Variants in ABLIM3 observed in about 807,000 individuals in gnomAD.
ABLIM3 encodes the protein actin binding LIM protein family member 3, also known as actin-binding LIM protein 3.
A neutral mutation model predicts 109.5 loss-of-function variants in ABLIM3; 61 were observed. The observed-to-expected ratio is 0.56, with a 90% CI of 0.45 to 0.69. ABLIM3 has a LOEUF of 0.69. Among genes scored for constraint, ABLIM3 ranks in the 30% least tolerant of loss-of-function variants. The pLI is 0.00. For synonymous variants in ABLIM3, 300 were observed against 324.8 expected, an observed-to-expected ratio of 0.92 and a Z score of 0.82; for missense variants, 796 against 889.5, an observed-to-expected ratio of 0.89 and a Z score of 1.34.
chr5:149,245,463 G>A (rs1753259286), intron 16 of ABLIM3, among the ~76,000 whole-genome samples: 1 of 152,220 alleles, frequency 6.6e-6, no homozygotes, highest in South Asian at 2.1e-4. Flanking sequence ...AGAAAAGGCT[G>A]TCCACTTAAC....
chr5:149,254,388 C>T (rs1179863359), intron 23 of ABLIM3, among the ~76,000 whole-genome samples: 1 of 152,198 alleles, frequency 6.6e-6, no homozygotes, highest in Non-Finnish European at 1.5e-5. Flanking sequence ...ATTTCCTCTG[C>T]CTGACCCTGA....
At chr5:149,250,426 G>A (rs768768190) in intron 19 of ABLIM3, 21 bp from the exon 20 acceptor site, 1 of 1,613,798 alleles carries the variant, frequency 6.2e-7, no homozygotes, top group Non-Finnish European at 8.5e-7. Flanking sequence ...CCTGATAATT[G>A]CTCTAGATCC....
intron 13 of ABLIM3, 183 bp from the exon 14 acceptor site, chr5:149,240,493 C>T (rs1355004829): frequency 8.4e-6 from 5 of 596,664 alleles, no homozygotes; most frequent in Non-Finnish European, 9.0e-6. Context: ...AAGCTTGTTT[C>T]TGCCAACGTG....
chr5:149,157,071 CA>C (rs561106995), intron 2 of ABLIM3, among the ~76,000 whole-genome samples: 63 of 152,306 alleles, frequency 4.1e-4, no homozygotes, highest in African/African-American at 1.3e-3. Context: ...TAGAGAAGGT[CA>C]TTGGGAATAG....
At chr5:149,225,363 A>G (rs979496497) in intron 8 of ABLIM3, among the ~76,000 whole-genome samples, 3 of 152,172 alleles carry the variant, frequency 2.0e-5, no homozygotes, top group East Asian at 3.9e-4. Context: ...TTCTGTCTCT[A>G]TGGATTTGCC....
At position 149,239,775 on chromosome 5, in the gene ABLIM3, T is replaced by C. The variant is rs2127558004; in HGVS notation, c.1091T>C (p.Leu364Pro). 6.2e-7 allele frequency: 1 copy of C among 1,606,666 alleles called. No individual in the cohort carries two copies. The highest frequency in any genetic ancestry group is 2.3e-5 in the East Asian group (1 of 43,836). ...CTCTCCCAGGACATCTACGAGAACC[T>C]GGACCTCCGGCAGAGACGGGCCTCC... ...SPYSQDIYEN[L>P]DLRQRRASSP... is the part of the protein sequence containing the mutation. Residue 364 changes from leucine to proline, a missense_variant, in exon 13 of 24, where the codon CTG becomes CCG. Transcript: ENST00000309868.
intron 15 of ABLIM3, 39 bp downstream of exon 15, chr5:149,242,577 G>A (rs1394756578): frequency 6.2e-7 from 1 of 1,609,834 alleles, no homozygotes; most frequent in Non-Finnish European, 8.5e-7. Context: ...CACACAAGGA[G>A]AGGGGGGAGG....
At chr5:149,169,832 G>GCCTC in intron 2 of ABLIM3, among the ~76,000 whole-genome samples, 1 of 152,192 alleles carries the variant, frequency 6.6e-6, no homozygotes, top group Non-Finnish European at 1.5e-5. Context: ...GATACAGGAG[G>GCCTC]TGTATCAGCA....
intron 2 of ABLIM3, among the ~76,000 whole-genome samples, chr5:149,156,827 G>A (rs967164818): frequency 1.3e-5 from 2 of 152,236 alleles, no homozygotes; most frequent in South Asian, 4.1e-4. Context: ...TAGACAATGT[G>A]TAAAGAAATG....
At chr5:149,240,650 T>C (rs1233022387) in intron 13 of ABLIM3, 26 bp from the exon 14 acceptor site, 2 of 1,594,192 alleles carry the variant, frequency 1.3e-6, no homozygotes, top group East Asian at 4.5e-5. Flanking sequence ...CTGTTTTCTT[T>C]GGCGACCACT....
At chr5:149,185,310 A>G (rs1330048194) in intron 3 of ABLIM3, among the ~76,000 whole-genome samples, 1 of 152,154 alleles carries the variant, frequency 6.6e-6, no homozygotes, top group East Asian at 1.9e-4. Context: ...GTGTCTCCAC[A>G]TAGCTTTTCA....
Position 149,258,626 on chromosome 5 carries a change from T to C in ABLIM3, c.*222T>C, listed in dbSNP as rs2127580779. Reference sequence around the variant, plus strand: ...TCTGGGAAGGGATTTGAGGGGACTCTGTCCTTTTATTGGGGATCCTTTTTA... The same window carrying C: ...TCTGGGAAGGGATTTGAGGGGACTCCGTCCTTTTATTGGGGATCCTTTTTA... On this transcript the variant is annotated 3_prime_UTR_variant, in exon 24 of 24. Transcript: ENST00000309868. 2.3e-6 allele frequency: 3 copies of C among 1,280,738 alleles called. No homozygotes were observed. The East Asian group carries it at 1.0e-4, about 44-fold the overall frequency. The allele number at this position is 1,280,738 out of a possible 1,614,324, so 79.3% of individuals were successfully genotyped here. A position where few individuals can be genotyped will look rare whatever the true frequency, so the allele number is the denominator to read the frequency against.
chr5:149,230,803 T>C, intron 9 of ABLIM3, 96 bp downstream of exon 9: 2 of 1,386,476 alleles, frequency 1.4e-6, no homozygotes, highest in Admixed American at 1.8e-5. Context: ...TCAGCATTCC[T>C]TAGTGTGCAC....
At chr5:149,233,115 C>A in intron 9 of ABLIM3, 114 bp from the exon 10 acceptor site, 2 of 907,762 alleles carry the variant, frequency 2.2e-6, no homozygotes, top group Non-Finnish European at 3.6e-6. Flanking sequence ...ACAGAAGTAG[C>A]CAGAGAGTAC....
At chr5:149,184,240 C>T (rs1043346474) in intron 3 of ABLIM3, among the ~76,000 whole-genome samples, 11 of 152,072 alleles carry the variant, frequency 7.2e-5, no homozygotes, top group African/African-American at 1.9e-4. Context: ...CCCTCTGGCC[C>T]GGGGCAACAC....
intron 2 of ABLIM3, among the ~76,000 whole-genome samples, chr5:149,175,607 G>C (rs1198683836): frequency 3.9e-5 from 6 of 152,248 alleles, no homozygotes; most frequent in Admixed American, 1.3e-4. Context: ...GAGGAAAGAA[G>C]AGAGGAAGGA....
At chr5:149,192,088 G>A (rs1757531641) in intron 3 of ABLIM3, among the ~76,000 whole-genome samples, 1 of 152,120 alleles carries the variant, frequency 6.6e-6, no homozygotes, top group African/African-American at 2.4e-5. Context: ...GTAAAATGCT[G>A]AAGGCATTCT....
chr5:149,158,248 C>T (rs544626374), intron 2 of ABLIM3, among the ~76,000 whole-genome samples: 5 of 152,194 alleles, frequency 3.3e-5, no homozygotes, highest in African/African-American at 1.2e-4. Flanking sequence ...TGTTCCCCAA[C>T]TGCAAGCCAA....
chr5:149,152,637 C>T (rs527527768), intron 2 of ABLIM3, among the ~76,000 whole-genome samples: 106 of 152,200 alleles, frequency 7.0e-4, no homozygotes, highest in Non-Finnish European at 1.2e-3. Flanking sequence ...GATAACTGAT[C>T]CCAGATCTGG....
Sources: gnomAD v4.1 joint callset for allele counts (sites outside exome capture counted in the v4.1 genomes callset) on GRCh38, gnomAD v4.1.1 for gene constraint, MANE v1.5 for transcripts, NCBI Gene and HGNC (gene_info 2026-07-23, HGNC 2026-07-21) for gene names.